The following ABI1 variants were observed in gnomAD, a reference collection of about 807,000 sequenced individuals.
ABI1 encodes the protein abl interactor 1, also known as Abelson interactor 1.
Under a neutral mutation model 54.6 loss-of-function variants are expected in ABI1, and 14 were observed. That is an observed-to-expected ratio of 0.26 (90% CI 0.17 to 0.40). ABI1 has a LOEUF of 0.40. ABI1 is among the 10% of genes least tolerant of loss of function. The pLI, the probability that ABI1 is intolerant of heterozygous loss-of-function variation, is 1.00. For missense variants in ABI1, 443 were observed against 598.3 expected (o/e 0.74, Z 2.71); for synonymous variants, 194 against 209.3 (o/e 0.93, Z 0.63).
chr10:26,855,412 G>C (rs2050723000), intron 1 of ABI1, among the ~76,000 whole-genome samples: 1 of 152,190 alleles, frequency 6.6e-6, no homozygotes, highest in South Asian at 2.1e-4. Flanking sequence ...AGCCTATGGA[G>C]TCTGCCAGAG....
chr10:26,778,513 A>G (rs2132930409), intron 2 of ABI1, among the ~76,000 whole-genome samples: 1 of 151,424 alleles, frequency 6.6e-6, no homozygotes, highest in East Asian at 1.9e-4. Context: ...AAAAAAAAAA[A>G]GGTACTCCCA....
rs1164854399 is a variant in ABI1, at chr10:26,761,617, CATATATATATATATATAT to C, written c.821-2397_821-2380del. Among the ~76,000 whole-genome samples the C allele has an allele frequency of 2.3e-3, 115 of 49,840 alleles. 4 individuals are homozygous for C. The highest frequency in any genetic ancestry group is 0.031 in the Middle Eastern group (2 of 64). 32.7% of individuals were successfully genotyped at this position (49,840 alleles called of 152,430 possible). On this transcript the variant is annotated intron_variant, in intron 7 of 10. Coordinates refer to ENST00000376140, the MANE Select transcript of ABI1 (RefSeq NM_001012750.3). Reference sequence around the variant, plus strand: ...TCTTTCTTCTGTAAATAGTTTTTGTCATATATATATATATATATATATATATATATATATATATATATA... The same window carrying C: ...TCTTTCTTCTGTAAATAGTTTTTGTCATATATATATATATATATATATATA...
At chr10:26,844,408 C>G (rs943303769) in intron 1 of ABI1, among the ~76,000 whole-genome samples, 1 of 152,164 alleles carries the variant, frequency 6.6e-6, no homozygotes, top group Non-Finnish European at 1.5e-5. Flanking sequence ...TATAAAAATA[C>G]CAACAATCTG....
At chr10:26,751,563 T>C in intron 10 of ABI1, 35 bp downstream of exon 10, 1 of 1,586,590 alleles carries the variant, frequency 6.3e-7, no homozygotes, top group Non-Finnish European at 8.6e-7. Flanking sequence ...AATTAGGTTA[T>C]TTTCCTTCAC....
chr10:26,797,678 T>G (rs2133308044), intron 2 of ABI1, among the ~76,000 whole-genome samples: 1 of 152,092 alleles, frequency 6.6e-6, no homozygotes, highest in African/African-American at 2.4e-5. Flanking sequence ...GGCTGAATAG[T>G]GGGGTCAGAG....
intron 2 of ABI1, among the ~76,000 whole-genome samples, chr10:26,798,247 T>C (rs1376527076): frequency 6.6e-6 from 1 of 151,084 alleles, no homozygotes; most frequent in Admixed American, 6.6e-5. Context: ...TTAGAACTGA[T>C]ATAGCAAAAG....
chr10:26,765,178 ATAT>A (rs1200533709), intron 7 of ABI1, 37 bp downstream of exon 7: 10 of 1,365,932 alleles, frequency 7.3e-6, no homozygotes, highest in Non-Finnish European at 1.0e-5. Flanking sequence ...AAGCTCATAA[ATAT>A]TATCATGTAT....
chr10:26,803,553 C>T (rs1219658541), intron 2 of ABI1, among the ~76,000 whole-genome samples: 1 of 152,188 alleles, frequency 6.6e-6, no homozygotes, highest in East Asian at 1.9e-4. Context: ...TTATCCTTTT[C>T]AATTTCCCAA....
intron 1 of ABI1, among the ~76,000 whole-genome samples, chr10:26,858,718 A>T (rs941843589): frequency 3.3e-5 from 5 of 152,048 alleles, no homozygotes; most frequent in African/African-American, 1.2e-4. Flanking sequence ...GAGTAAAGGA[A>T]AGGGGTCAGA....
At chr10:26,812,896 C>T (rs1185326625) in intron 2 of ABI1, among the ~76,000 whole-genome samples, 1 of 152,018 alleles carries the variant, frequency 6.6e-6, no homozygotes, top group East Asian at 1.9e-4. Context: ...AATTTGTTGG[C>T]GGGGGGACAC....
chr10:26,844,440 A>G (rs1200214919), intron 1 of ABI1, among the ~76,000 whole-genome samples: 1 of 152,252 alleles, frequency 6.6e-6, no homozygotes, highest in Non-Finnish European at 1.5e-5. Flanking sequence ...GTTATGATAG[A>G]ACATCAAAAT....
At chr10:26,764,261 CA>C (rs1318030947) in intron 7 of ABI1, among the ~76,000 whole-genome samples, 11 of 152,110 alleles carry the variant, frequency 7.2e-5, no homozygotes, top group African/African-American at 2.4e-4. Context: ...ACATTTTTAA[CA>C]ATATAAAAAG....
At position 26,832,741 on chromosome 10, in the gene ABI1, G is replaced by A. The variant is rs185935500; in HGVS notation, c.118-9436C>T. On this transcript the variant is annotated intron_variant, in intron 1 of 10. Transcript: ENST00000376140. Reference sequence around the variant, plus strand: ...TCTACTTTGCTGAAGGCCAACAAACGGGCTGGTTGGTTAGAGACCTGAGAA... The same window carrying A: ...TCTACTTTGCTGAAGGCCAACAAACAGGCTGGTTGGTTAGAGACCTGAGAA... 1.0e-3 allele frequency among the ~76,000 whole-genome samples: 154 copies of A among 152,214 alleles called. 1 individual carries two copies. In the East Asian group the frequency reaches 0.025, roughly 25 times the overall value.
In ABI1 at chr10:26,746,855, GA is replaced by G. The variant is rs1836977901; in HGVS notation, c.*1714del. 1 of 354,102 alleles carries G rather than the reference GA, an allele frequency of 2.8e-6. No homozygotes were observed. The highest frequency in any genetic ancestry group is 5.3e-6 in the Non-Finnish European group (1 of 188,398). 21.9% of individuals were successfully genotyped at this position (354,102 alleles called of 1,614,324 possible). ...GTCAGAAAAATGTGAAGTCTGCATTGAAGTCCACATGAGTTATATTTTAACA... is the reference window on the plus strand; with the variant it reads ...GTCAGAAAAATGTGAAGTCTGCATTGAGTCCACATGAGTTATATTTTAACA... On this transcript the variant is annotated 3_prime_UTR_variant, in exon 11 of 11. Transcript: ENST00000376140.
At chr10:26,824,240 A>C (rs115190314) in intron 1 of ABI1, among the ~76,000 whole-genome samples, 67 of 152,326 alleles carry the variant, frequency 4.4e-4, no homozygotes, top group African/African-American at 1.5e-3. Flanking sequence ...CATTCACCCA[A>C]ATGACAAATA....
chr10:26,819,837 T>C (rs999795743), intron 2 of ABI1, among the ~76,000 whole-genome samples: 5 of 152,212 alleles, frequency 3.3e-5, no homozygotes, highest in Non-Finnish European at 5.9e-5. Context: ...ATTCCTATTA[T>C]TCAGCCTTAA....
At chr10:26,759,034 G>A (rs1013154831) in intron 8 of ABI1, 28 bp downstream of exon 8, 3 of 1,599,248 alleles carry the variant, frequency 1.9e-6, no homozygotes. Flanking sequence ...CTCCACTGTT[G>A]CTGTATGCCT....
At chr10:26,841,767 A>T (rs1209592130) in intron 1 of ABI1, among the ~76,000 whole-genome samples, 1 of 152,140 alleles carries the variant, frequency 6.6e-6, no homozygotes, top group Non-Finnish European at 1.5e-5. Context: ...AAATGGCAGT[A>T]TCTGCATTTT....
At chr10:26,773,052 T>C (rs1840903676) in intron 3 of ABI1, among the ~76,000 whole-genome samples, 1 of 152,048 alleles carries the variant, frequency 6.6e-6, no homozygotes, top group African/African-American at 2.4e-5. Context: ...AGACCCTGTC[T>C]CTTTTTAAAA....
Sources: allele counts gnomAD v4.1 joint callset (sites outside exome capture counted in the v4.1 genomes callset), GRCh38; gene constraint gnomAD v4.1.1; transcripts MANE v1.5; gene names NCBI Gene and HGNC (gene_info 2026-07-23, HGNC 2026-07-21).